PCDH15: variants seen among roughly 807,000 people sequenced by gnomAD.
PCDH15 encodes protocadherin related 15.
In PCDH15, 129 loss-of-function variants were observed where a neutral mutation model predicts 178.5. The ratio of observed to expected loss-of-function variants is 0.72; its 90% CI spans 0.63 to 0.84. PCDH15 has a LOEUF of 0.84. Among genes scored for constraint, PCDH15 ranks in the 40% least tolerant of loss-of-function variants. The pLI is 0.00. For missense variants in PCDH15, 2,230 were observed against 2,099.9 expected (o/e 1.06, Z -1.21); for synonymous variants, 800 against 732.0 (o/e 1.09, Z -1.50).
chr10:54,735,517 T>C (rs895129345), intron 1 of PCDH15, among the ~76,000 whole-genome samples: 7 of 148,400 alleles, frequency 4.7e-5, no homozygotes, highest in African/African-American at 1.7e-4. Flanking sequence ...CATTACTGGG[T>C]ATATACCCAA....
At chr10:53,875,506 T>A (rs1057021270) in intron 26 of PCDH15, among the ~76,000 whole-genome samples, 4 of 152,058 alleles carry the variant, frequency 2.6e-5, no homozygotes, top group Non-Finnish European at 4.4e-5. Flanking sequence ...AATTTCTCTA[T>A]AATCAAACAT....
At chr10:54,029,047 A>T (rs2093215160) in intron 18 of PCDH15, among the ~76,000 whole-genome samples, 1 of 152,204 alleles carries the variant, frequency 6.6e-6, no homozygotes, top group African/African-American at 2.4e-5. Flanking sequence ...TAAAATGCAG[A>T]GCTATTTCCT....
rs188414492 is a variant in PCDH15, at chr10:55,620,444, T to C, written c.-156+7181A>G. Among the ~76,000 whole-genome samples, 6 of 152,174 alleles carry C rather than the reference T, an allele frequency of 3.9e-5. No homozygotes were observed. The East Asian group carries it at 1.2e-3, about 29-fold the overall frequency. On this transcript the variant is annotated intron_variant, in intron 2 of 5. Transcript: ENST00000613346. ...CAGCAAGAATACACATCTACAGAAG[T>C]TTAAAGTATTTACTCTTTTTTTAGT... is the stretch of plus-strand genomic sequence containing the variant.
intron 35 of PCDH15, among the ~76,000 whole-genome samples, chr10:53,812,802 G>C (rs2075920291): frequency 6.6e-6 from 1 of 152,016 alleles, no homozygotes; most frequent in South Asian, 2.1e-4. Context: ...GAAAAGGATA[G>C]GTACTCACAT....
chr10:55,256,699 G>T (rs1392550892), intron 1 of PCDH15, among the ~76,000 whole-genome samples: 1 of 152,210 alleles, frequency 6.6e-6, no homozygotes, highest in Admixed American at 6.5e-5. Flanking sequence ...CATTGCTCAG[G>T]CCTGAGTAGG....
chr10:54,309,938 T>C (rs1158377175), intron 8 of PCDH15, among the ~76,000 whole-genome samples: 1 of 152,102 alleles, frequency 6.6e-6, no homozygotes, highest in Non-Finnish European at 1.5e-5. Context: ...AATGAAGAGT[T>C]TAATATTTAT....
Position 53,866,692 on chromosome 10 carries a change from T to A in PCDH15, c.3667A>T (p.Ile1223Phe), listed in dbSNP as rs752490775. Residue 1223 changes from isoleucine (I) to phenylalanine (F), a missense_variant, in exon 27 of 38, where the codon ATT (isoleucine) becomes TTT (phenylalanine). By Grantham distance (21) the Ile-to-Phe change is conservative. Transcript: ENST00000644397. ...MRRSYFKFQVIATDDYGKGLS... is the reference protein window; with the variant it reads ...MRRSYFKFQVFATDDYGKGLS... ...CCCTTCCCATAGTCGTCAGTTGCAATAACTTGAAACTTGAAGTAGGATCTC... is the reference window on the plus strand; with the variant it reads ...CCCTTCCCATAGTCGTCAGTTGCAAAAACTTGAAACTTGAAGTAGGATCTC... 135 of 1,613,538 alleles carry A rather than the reference T, an allele frequency of 8.4e-5. No homozygotes were observed. Among genetic ancestry groups the A allele is most frequent in the Admixed American group, 1.7e-4 (10 of 59,958 alleles).
intron 1 of PCDH15, among the ~76,000 whole-genome samples, chr10:55,185,448 G>C (rs1442575486): frequency 6.6e-6 from 1 of 151,730 alleles, no homozygotes; most frequent in African/African-American, 2.4e-5. Context: ...ACTTTGATGA[G>C]TGCAACATCA....
chr10:54,441,615 T>TGG (rs2075794537), intron 3 of PCDH15, among the ~76,000 whole-genome samples: 3 of 151,928 alleles, frequency 2.0e-5, no homozygotes, highest in Non-Finnish European at 4.4e-5. Context: ...CAGAATTCAT[T>TGG]GAGATAAACT....
chr10:54,187,961 A>T (rs1466358593), intron 11 of PCDH15, among the ~76,000 whole-genome samples: 1 of 151,836 alleles, frequency 6.6e-6, no homozygotes, highest in Middle Eastern at 3.2e-3. Flanking sequence ...TTATGTTCCA[A>T]ATATTACAGC....
intron 2 of PCDH15, among the ~76,000 whole-genome samples, chr10:55,421,515 T>C (rs1431029391): frequency 2.0e-5 from 3 of 149,946 alleles, no homozygotes; most frequent in Admixed American, 1.3e-4. Flanking sequence ...TATAGCATAC[T>C]AGATTTGAAT....
intron 3 of PCDH15, among the ~76,000 whole-genome samples, chr10:54,475,404 A>G (rs2078208994): frequency 6.6e-6 from 1 of 151,970 alleles, no homozygotes; most frequent in African/African-American, 2.4e-5. Flanking sequence ...AACATTTTTA[A>G]GCCTTAATAT....
Position 55,467,966 on chromosome 10 carries a change from CAA to C in PCDH15, c.-156+159657_-156+159658del, listed in dbSNP as rs71463104. Among the ~76,000 whole-genome samples the C allele has an allele frequency of 1.3e-3, 46 of 36,634 alleles. 1 individual carries two copies. The South Asian group carries it at 0.031, about 25-fold the overall frequency. The allele number at this position is 36,634 out of a possible 152,430, so 24.0% of individuals were successfully genotyped here. The stretch of plus-strand genomic sequence containing the variant: ...TGGGCGATAGAGCCAGACTCCGTCT[CAA>C]AAAAAAAAAAAAAAAAAAAAAAAGA... On this transcript the variant is annotated intron_variant, in intron 2 of 5. Coordinates refer to the PCDH15 transcript ENST00000613346.
intron 3 of PCDH15, among the ~76,000 whole-genome samples, chr10:54,512,199 T>C (rs1339528439): frequency 6.6e-6 from 1 of 152,168 alleles, no homozygotes; most frequent in African/African-American, 2.4e-5. Flanking sequence ...AAATTTAATA[T>C]GGATTACTGA....
intron 2 of PCDH15, among the ~76,000 whole-genome samples, chr10:54,535,158 C>T (rs372948148): frequency 2.4e-4 from 36 of 152,248 alleles, no homozygotes; most frequent in African/African-American, 8.4e-4. Flanking sequence ...ACCTTAGTGT[C>T]ATTATTAATT....
At chr10:55,325,105 A>G (rs1843996600) in intron 2 of PCDH15, among the ~76,000 whole-genome samples, 1 of 152,158 alleles carries the variant, frequency 6.6e-6, no homozygotes, top group African/African-American at 2.4e-5. Flanking sequence ...TTCCCTATTC[A>G]TGGACAGGAA....
intron 2 of PCDH15, among the ~76,000 whole-genome samples, chr10:55,554,480 A>G (rs1340026425): frequency 6.6e-6 from 1 of 152,016 alleles, no homozygotes; most frequent in Non-Finnish European, 1.5e-5. Context: ...CAATTAATGA[A>G]CCAATATTGA....
chr10:54,482,360 C>G (rs541754855), intron 3 of PCDH15, among the ~76,000 whole-genome samples: 1 of 151,640 alleles, frequency 6.6e-6, no homozygotes, highest in East Asian at 1.9e-4. Flanking sequence ...ATATTATATT[C>G]TGGAAAAAGT....
At chr10:55,008,930 C>T (rs1839991236) in intron 2 of PCDH15, among the ~76,000 whole-genome samples, 1 of 151,918 alleles carries the variant, frequency 6.6e-6, no homozygotes, top group Admixed American at 6.6e-5. Context: ...TCTCATGATT[C>T]ATATTAGTAT....
Sources: allele counts gnomAD v4.1 joint callset (sites outside exome capture counted in the v4.1 genomes callset), GRCh38; gene constraint gnomAD v4.1.1; transcripts MANE v1.5; gene names NCBI Gene and HGNC (gene_info 2026-07-23, HGNC 2026-07-21).